Variants in CFAP58 observed in about 807,000 individuals in gnomAD.
The protein encoded by CFAP58 is cilia- and flagella-associated protein 58.
In CFAP58, 88 loss-of-function variants were observed where a neutral mutation model predicts 119.5. The ratio of observed to expected loss-of-function variants is 0.74; its 90% CI spans 0.62 to 0.88. The LOEUF is 0.88. Among genes scored for constraint, CFAP58 ranks in the 40% least tolerant of loss-of-function variants. The probability of loss-of-function intolerance (pLI) is 0.00; values close to 1 mark genes in which losing one functional copy is unlikely to be tolerated. For synonymous variants in CFAP58, 365 were observed against 366.3 expected, an observed-to-expected ratio of 1.00 and a Z score of 0.04; for missense variants, 990 against 1,021.2, an observed-to-expected ratio of 0.97 and a Z score of 0.42.
chr10:104,368,592 C>G, intron 6 of CFAP58, 32 bp downstream of exon 6: 1 of 1,610,964 alleles, frequency 6.2e-7, no homozygotes, highest in Non-Finnish European at 8.5e-7. Context: ...TGTTCCCTAG[C>G]TCTTTCTTCC....
intron 14 of CFAP58, among the ~76,000 whole-genome samples, chr10:104,404,103 C>G (rs753250163): frequency 3.9e-5 from 6 of 152,198 alleles, no homozygotes; most frequent in Non-Finnish European, 8.8e-5. Context: ...CACCAATTGA[C>G]ATTTATTTTT....
At chr10:104,367,344 T>C (rs77530168) in intron 5 of CFAP58, among the ~76,000 whole-genome samples, 3,647 of 152,318 alleles carry the variant, frequency 0.024, 157 homozygotes, top group African/African-American at 0.084. Flanking sequence ...AAAAGTCTTT[T>C]CTTAAATATG....
At chr10:104,351,291 C>T (rs1297042403), upstream of CFAP58, among the ~76,000 whole-genome samples, 1 of 152,254 alleles carries the variant, frequency 6.6e-6, no homozygotes, top group Non-Finnish European at 1.5e-5. Flanking sequence ...AATGAGATGT[C>T]ACTGCACAGT....
chr10:104,369,285 C>T (rs967404858), intron 6 of CFAP58, among the ~76,000 whole-genome samples: 10 of 152,140 alleles, frequency 6.6e-5, no homozygotes, highest in African/African-American at 1.2e-4. Context: ...ATATCACAAA[C>T]TCTTTTGAGA....
chr10:104,363,589 G>A (rs2014701263), intron 3 of CFAP58, among the ~76,000 whole-genome samples: 1 of 152,184 alleles, frequency 6.6e-6, no homozygotes, highest in Admixed American at 6.5e-5. Context: ...GACAAGCATT[G>A]GAAGAGGGTG....
intron 8 of CFAP58, among the ~76,000 whole-genome samples, chr10:104,379,677 C>G (rs2011742990): frequency 6.6e-6 from 1 of 152,222 alleles, no homozygotes; most frequent in Non-Finnish European, 1.5e-5. Context: ...GGCATGGACT[C>G]TGGGGTTAGC....
At chr10:104,384,621 AACTG>A (rs1347391953) in intron 9 of CFAP58, among the ~76,000 whole-genome samples, 1 of 152,250 alleles carries the variant, frequency 6.6e-6, no homozygotes, top group Non-Finnish European at 1.5e-5. Context: ...AGTAAGAAAC[AACTG>A]ACTATCAGCG....
At chr10:104,448,820 T>C (rs1188740380) in intron 16 of CFAP58, among the ~76,000 whole-genome samples, 1 of 152,280 alleles carries the variant, frequency 6.6e-6, no homozygotes, top group Non-Finnish European at 1.5e-5. Context: ...TTGATTATTT[T>C]GTTCCTTTAA....
At chr10:104,365,787 C>G (rs2014735190) in intron 4 of CFAP58, 27 bp from the exon 5 acceptor site, 2 of 1,574,536 alleles carry the variant, frequency 1.3e-6, no homozygotes, top group Non-Finnish European at 1.7e-6. Flanking sequence ...TCATCTCTTT[C>G]TCTCTTGTCC....
chr10:104,433,390 A>T (rs1284981283), intron 15 of CFAP58, among the ~76,000 whole-genome samples: 1 of 152,230 alleles, frequency 6.6e-6, no homozygotes, highest in Admixed American at 6.5e-5. Flanking sequence ...ATTTGAAGAA[A>T]TTAGAAAGAC....
chr10:104,454,540 G>A lies in CFAP58; in HGVS notation c.*10G>A. On this transcript the variant is annotated 3_prime_UTR_variant, in exon 18 of 18. Coordinates refer to ENST00000369704, the MANE Select transcript of CFAP58 (RefSeq NM_001008723.2). ...CAAAATGACGTTCTAACCTGAAGCTGCTGGCTGTTTCCAGTTGAACAACTC... is the reference window on the plus strand; with the variant it reads ...CAAAATGACGTTCTAACCTGAAGCTACTGGCTGTTTCCAGTTGAACAACTC... 3.8e-6 allele frequency: 6 copies of A among 1,597,576 alleles called. No individual in the cohort carries two copies. Among genetic ancestry groups the A allele is most frequent in the Non-Finnish European group, 5.1e-6 (6 of 1,165,296 alleles).
intron 15 of CFAP58, among the ~76,000 whole-genome samples, chr10:104,408,170 C>T (rs1377615938): frequency 6.6e-6 from 1 of 152,200 alleles, no homozygotes; most frequent in Non-Finnish European, 1.5e-5. Flanking sequence ...GAATGGCCAA[C>T]AGGGATTTTC....
chr10:104,406,578 G>T, intron 14 of CFAP58, 111 bp from the exon 15 acceptor site: 1 of 780,940 alleles, frequency 1.3e-6, no homozygotes, highest in Non-Finnish European at 2.2e-6. Flanking sequence ...CTCTGTATTA[G>T]GTCTGCAGGT....
At chr10:104,437,868 C>T (rs958529626) in intron 15 of CFAP58, among the ~76,000 whole-genome samples, 8 of 151,920 alleles carry the variant, frequency 5.3e-5, no homozygotes, top group South Asian at 2.1e-4. Flanking sequence ...AATCTTGCTA[C>T]GTTAAAATTA....
rs540428134 is a variant in CFAP58 at position 104,408,617 on chromosome 10, T to G, written c.2256+1824T>G. ...TAGTTTTAAAAAGAACCAAATCTTATGTTTGCCAAGCATCTGTATTATAAG... is the reference window on the plus strand; with the variant it reads ...TAGTTTTAAAAAGAACCAAATCTTAGGTTTGCCAAGCATCTGTATTATAAG... On this transcript the variant is annotated intron_variant, in intron 15 of 17. Coordinates refer to ENST00000369704, the MANE Select transcript of CFAP58 (RefSeq NM_001008723.2). Among the ~76,000 whole-genome samples, 292 of 152,352 alleles carry G rather than the reference T, an allele frequency of 1.9e-3. 1 individual carries two copies. The highest frequency in any genetic ancestry group is 3.3e-3 in the Non-Finnish European group (223 of 68,034).
At chr10:104,369,097 G>A (rs1291435551) in intron 6 of CFAP58, among the ~76,000 whole-genome samples, 1 of 152,110 alleles carries the variant, frequency 6.6e-6, no homozygotes, top group Non-Finnish European at 1.5e-5. Context: ...TTAGATAACA[G>A]TTTATACTCC....
At chr10:104,443,057 G>A (rs567176706) in intron 15 of CFAP58, among the ~76,000 whole-genome samples, 1 of 152,334 alleles carries the variant, frequency 6.6e-6, no homozygotes, top group South Asian at 2.1e-4. Context: ...ATAGAATGAG[G>A]AGAGCACAAC....
intron 7 of CFAP58, among the ~76,000 whole-genome samples, chr10:104,375,079 C>T (rs927488509): frequency 6.6e-6 from 1 of 151,304 alleles, no homozygotes; most frequent in Non-Finnish European, 1.5e-5. Flanking sequence ...AACTCAACAC[C>T]AAATGTTGAA....
chr10:104,404,258 C>A (rs1038605141), intron 14 of CFAP58, among the ~76,000 whole-genome samples: 1 of 152,180 alleles, frequency 6.6e-6, no homozygotes, highest in Non-Finnish European at 1.5e-5. Context: ...ACAGAAAATA[C>A]GGTTTTGTGA....
Sources: allele counts gnomAD v4.1 joint callset (sites outside exome capture counted in the v4.1 genomes callset), GRCh38; gene constraint gnomAD v4.1.1; transcripts MANE v1.5; gene names NCBI Gene and HGNC (gene_info 2026-07-23, HGNC 2026-07-21).